Variants in TMEM179B observed in about 807,000 individuals in gnomAD.
TMEM179B encodes the protein transmembrane protein 179B.
A neutral mutation model predicts 18.0 loss-of-function variants in TMEM179B; 13 were observed. That is an observed-to-expected ratio of 0.72 (90% CI 0.47 to 1.15). The LOEUF (loss-of-function observed/expected upper bound fraction) is 1.15, where lower values mean the gene tolerates loss of function less well. TMEM179B is among the 50% of genes most tolerant of loss of function. The pLI, the probability that TMEM179B is intolerant of heterozygous loss-of-function variation, is 0.00. For missense variants in TMEM179B, 320 were observed against 270.6 expected (o/e 1.18, Z -1.28); for synonymous variants, 159 against 117.5 (o/e 1.35, Z -2.29).
chr11:62,788,652 C>G (rs909903017), intron 1 of TMEM179B, among the ~76,000 whole-genome samples: 1 of 144,422 alleles, frequency 6.9e-6, no homozygotes, highest in African/African-American at 2.5e-5. Context: ...TGCAGTGAGC[C>G]GAGATGGCGC....
In TMEM179B at chr11:62,790,140, G is replaced by T; in HGVS notation, c.*93G>T. ...GGCCCTGTTTATGTTGGGAGTCTTA[G>T]TTTTCCTTTCGTTGGGGGGTGGGGG... On this transcript the variant is annotated 3_prime_UTR_variant, in exon 5 of 5. Transcript: ENST00000333449. 109 of 926,684 alleles carry T rather than the reference G, an allele frequency of 1.2e-4. No individual in the cohort carries two copies. The highest frequency in any genetic ancestry group is 2.3e-4 in the East Asian group (7 of 30,942). 57.4% of individuals were successfully genotyped at this position (926,684 alleles called of 1,614,324 possible).
At position 62,787,863 on chromosome 11, in the gene TMEM179B, T is replaced by A. The variant is rs1321143269; in HGVS notation, c.96+336T>A. The A allele has an allele frequency of 2.5e-5, 15 of 606,318 alleles. No homozygotes were observed. In the East Asian group the frequency reaches 5.3e-4, roughly 22 times the overall value. The allele number at this position is 606,318 out of a possible 1,614,324, so 37.6% of individuals were successfully genotyped here. ...GCAGAACCTGCGTCCATCCGTTAAA[T>A]CAGAAGCCATTTGTGCTGAGCTTTG... On this transcript the variant is annotated intron_variant, in intron 1 of 4. Coordinates refer to ENST00000333449, the MANE Select transcript of TMEM179B (RefSeq NM_199337.3).
rs1565193254 is a variant in TMEM179B, at chr11:62,788,961, C to G, written c.97-62C>G. On this transcript the variant is annotated intron_variant, in intron 1 of 4. Coordinates refer to ENST00000333449, the MANE Select transcript of TMEM179B (RefSeq NM_199337.3). Reference sequence around the variant, plus strand: ...TTCCTAAGTTATCACTAACACCCTACCAAGAGACTGTATCTAGAGACATTA... The same window carrying G: ...TTCCTAAGTTATCACTAACACCCTAGCAAGAGACTGTATCTAGAGACATTA... 4 of 1,527,014 alleles carry G rather than the reference C, an allele frequency of 2.6e-6. No homozygotes were observed. In the East Asian group the frequency reaches 6.8e-5, roughly 26 times the overall value. The allele number at this position is 1,527,014 out of a possible 1,614,324, so 94.6% of individuals were successfully genotyped here.
intron 1 of TMEM179B, among the ~76,000 whole-genome samples, chr11:62,788,471 G>A (rs1227793453): frequency 2.0e-5 from 3 of 152,146 alleles, no homozygotes; most frequent in African/African-American, 7.2e-5. Context: ...TTGGGAGGCC[G>A]TGGCAGGCGG....
At chr11:62,788,091 A>G (rs762940926) in intron 1 of TMEM179B, among the ~76,000 whole-genome samples, 13 of 152,030 alleles carry the variant, frequency 8.6e-5, no homozygotes, top group Non-Finnish European at 1.6e-4. Flanking sequence ...TAGTGTGCCT[A>G]TTTTACACCA....
At chr11:62,789,476 G>A (rs1338238593) in intron 3 of TMEM179B, 50 bp downstream of exon 3, 3 of 1,611,650 alleles carry the variant, frequency 1.9e-6, no homozygotes, top group African/African-American at 2.7e-5. Context: ...CCTTCCCTCT[G>A]CAGCGGGGTC....
intron 1 of TMEM179B, chr11:62,787,944 A>G (rs1217830542): frequency 2.1e-6 from 1 of 486,304 alleles, no homozygotes; most frequent in African/African-American, 1.9e-5. Flanking sequence ...TGATTGTAGC[A>G]CAGTGTGTTA....
chr11:62,789,457 G>T, intron 3 of TMEM179B, 31 bp downstream of exon 3: 1 of 1,613,272 alleles, frequency 6.2e-7, no homozygotes. Context: ...GCCTGGCTGG[G>T]GCTGACTACC....
At position 62,789,337 on chromosome 11, in the gene TMEM179B, C is replaced by G; in HGVS notation, c.330C>G (p.Ala110=). Residue 110 remains alanine (A), a synonymous_variant, in exon 3 of 5, where the codon GCC becomes GCG. Coordinates refer to ENST00000333449, the MANE Select transcript of TMEM179B (RefSeq NM_199337.3). ...LRIALAISAI[A]VFLVLVSACI... is the part of the protein sequence containing the mutation. ...TTGCACTGGCCATCTCAGCTATAGC[C>G]GTCTTCCTGGTCTTGGTGTCTGCCT... is the stretch of plus-strand genomic sequence containing the variant. 1 of 1,613,986 alleles carries G rather than the reference C, an allele frequency of 6.2e-7. No homozygotes were observed. The highest frequency in any genetic ancestry group is 1.1e-5 in the South Asian group (1 of 91,070).
At chr11:62,788,178 G>A (rs1490311028) in intron 1 of TMEM179B, among the ~76,000 whole-genome samples, 1 of 152,168 alleles carries the variant, frequency 6.6e-6, no homozygotes, top group South Asian at 2.1e-4. Context: ...TGAGGCAGGC[G>A]GATCACTTGA....
At position 62,789,665 on chromosome 11, in the gene TMEM179B, C is replaced by G. The variant is rs780233729; in HGVS notation, c.484C>G (p.Leu162Val). ...AACTGCTCTGCAGTTTTACTCCAAC[C>G]TACACAATGCTGAAGTGAGACCCAA... ...PGTALQFYSN[L>V]HNAETSSWVN... Residue 162 changes from leucine to valine, a missense_variant, in exon 4 of 5, where the codon CTA becomes GTA. By Grantham distance (32) the Leu-to-Val change is conservative. Transcript: ENST00000333449. 3.9e-6 allele frequency: 6 copies of G among 1,546,548 alleles called. No homozygotes were observed. The highest frequency in any genetic ancestry group is 2.1e-5 in the Admixed American group (1 of 47,380).
In TMEM179B at chr11:62,790,310, T is replaced by A. The variant is rs2134744831; in HGVS notation, c.*263T>A. On this transcript the variant is annotated 3_prime_UTR_variant, in exon 5 of 5. Transcript: ENST00000333449. Reference sequence around the variant, plus strand: ...GGAAGGAGTGAAGGCTAAGCAGACATGGACTGAAACTTAGAGGTACTGTTA... The same window carrying A: ...GGAAGGAGTGAAGGCTAAGCAGACAAGGACTGAAACTTAGAGGTACTGTTA... The A allele has an allele frequency of 1.8e-6, 1 of 545,354 alleles. No homozygotes were observed. The highest frequency in any genetic ancestry group is 4.7e-4 in the Middle Eastern group (1 of 2,118). The allele number at this position is 545,354 out of a possible 1,614,324, so 33.8% of individuals were successfully genotyped here. A position where few individuals can be genotyped will look rare whatever the true frequency, so the allele number is the denominator to read the frequency against.
In TMEM179B at chr11:62,790,110, C is replaced by T. The variant is rs558769093; in HGVS notation, c.*63C>T. 4.4e-4 allele frequency: 651 copies of T among 1,485,638 alleles called. 2 individuals are homozygous for T. The highest frequency in any genetic ancestry group is 4.0e-3 in the Middle Eastern group (16 of 3,992). The allele number at this position is 1,485,638 out of a possible 1,614,324, so 92.0% of individuals were successfully genotyped here. On this transcript the variant is annotated 3_prime_UTR_variant, in exon 5 of 5. Coordinates refer to ENST00000333449, the MANE Select transcript of TMEM179B (RefSeq NM_199337.3). The stretch of plus-strand genomic sequence containing the variant: ...TGCCCAAGTGCCTGTAATCCCCCCC[C>T]TCAAGGCCCTGTTTATGTTGGGAGT...
chr11:62,788,049 A>C (rs2084309349), intron 1 of TMEM179B: 1 of 454,588 alleles, frequency 2.2e-6, no homozygotes, highest in Admixed American at 2.4e-5. Flanking sequence ...GTTAATAAAC[A>C]TGGGTTCATT....
chr11:62,789,670 C>A lies in TMEM179B; in HGVS notation c.489C>A (p.His163Gln), dbSNP rs754241273. The A allele has an allele frequency of 4.5e-6, 7 of 1,545,892 alleles. No homozygotes were observed. In the South Asian group the frequency reaches 8.9e-5, roughly 20 times the overall value. ...CTCTGCAGTTTTACTCCAACCTACA[C>A]AATGCTGAAGTGAGACCCAAGGATA... ...GTALQFYSNL[H>Q]NAETSSWVNL... The change falls in exon 4 of 5, where the codon CAC becomes CAA. Residue 163 changes from histidine to glutamine, a missense_variant. His to Gln is a conservative substitution (Grantham distance 24). Transcript: ENST00000333449.
In TMEM179B at chr11:62,790,113, A is replaced by T; in HGVS notation, c.*66A>T. The T allele has an allele frequency of 7.4e-7, 1 of 1,356,434 alleles. No individual in the cohort carries two copies. The highest frequency in any genetic ancestry group is 1.5e-5 in the African/African-American group (1 of 67,240). The allele number at this position is 1,356,434 out of a possible 1,614,324, so 84.0% of individuals were successfully genotyped here. A position where few individuals can be genotyped will look rare whatever the true frequency, so the allele number is the denominator to read the frequency against. ...CCAAGTGCCTGTAATCCCCCCCCTC[A>T]AGGCCCTGTTTATGTTGGGAGTCTT... is the stretch of plus-strand genomic sequence containing the variant. On this transcript the variant is annotated 3_prime_UTR_variant, in exon 5 of 5. Coordinates refer to ENST00000333449, the MANE Select transcript of TMEM179B (RefSeq NM_199337.3).
chr11:62,788,138 C>CA (rs1565192788), intron 1 of TMEM179B, among the ~76,000 whole-genome samples: 2 of 152,258 alleles, frequency 1.3e-5, no homozygotes, highest in Non-Finnish European at 2.9e-5. Flanking sequence ...CGCGGTGACT[C>CA]ACGCCTGTAA....
At position 62,789,658 on chromosome 11, in the gene TMEM179B, C is replaced by G. The variant is rs1283501144; in HGVS notation, c.477C>G (p.Tyr159Ter). The G allele has an allele frequency of 6.5e-7, 1 of 1,549,292 alleles. No individual in the cohort carries two copies. The change falls in exon 4 of 5, where the codon TAC becomes TAG. Residue 159 changes from tyrosine (Y) to a stop codon, truncating the protein, a stop_gained. Transcript: ENST00000333449. LOFTEE classifies it high-confidence loss of function. ...WTPPGTALQF[Y>*]SNLHNAETSS... is the part of the protein sequence containing the mutation. Reference sequence around the variant, plus strand: ...CCCCTGGAACTGCTCTGCAGTTTTACTCCAACCTACACAATGCTGAAGTGA... The same window carrying G: ...CCCCTGGAACTGCTCTGCAGTTTTAGTCCAACCTACACAATGCTGAAGTGA...
At chr11:62,787,869 G>A (rs2084307012) in intron 1 of TMEM179B, 2 of 592,764 alleles carry the variant, frequency 3.4e-6, no homozygotes, top group East Asian at 7.5e-5. Flanking sequence ...TAAATCAGAA[G>A]CCATTTGTGC....
Sources: allele counts gnomAD v4.1 joint callset (sites outside exome capture counted in the v4.1 genomes callset), GRCh38; gene constraint gnomAD v4.1.1; transcripts MANE v1.5; gene names NCBI Gene and HGNC (gene_info 2026-07-23, HGNC 2026-07-21).